Variants in MGAT5 observed in about 807,000 individuals in gnomAD.
The protein encoded by MGAT5 is alpha-1,6-mannosylglycoprotein 6-beta-N-acetylglucosaminyltransferase A.
A neutral mutation model predicts 94.3 loss-of-function variants in MGAT5; 30 were observed. That is an observed-to-expected ratio of 0.32 (90% CI 0.24 to 0.43). The LOEUF is 0.43. Ranked by LOEUF, MGAT5 falls within the 20% of genes least tolerant of loss-of-function variation. The pLI is 1.00. For missense variants in MGAT5, 691 were observed against 905.5 expected (o/e 0.76, Z 3.04); for synonymous variants, 310 against 322.9 (o/e 0.96, Z 0.43).
chr2:134,404,302 C>A (rs1476120738), intron 11 of MGAT5, among the ~76,000 whole-genome samples: 1 of 152,176 alleles, frequency 6.6e-6, no homozygotes, highest in Admixed American at 6.5e-5. Context: ...AGGTGGACTT[C>A]TAGGGCATAA....
chr2:134,336,164 T>G (rs1688319965), intron 4 of MGAT5, 53 bp from the exon 5 acceptor site: 2 of 1,441,382 alleles, frequency 1.4e-6, no homozygotes, highest in Middle Eastern at 1.8e-4. Flanking sequence ...TTTTTATGTA[T>G]ATTAATTCAT....
intron 8 of MGAT5, among the ~76,000 whole-genome samples, chr2:134,345,535 A>T (rs547142566): frequency 3.8e-4 from 58 of 152,240 alleles, no homozygotes; most frequent in African/African-American, 1.2e-3. Context: ...TAAGATTAGT[A>T]TGTCTGTGGT....
In MGAT5 at chr2:134,246,056, G is replaced by A. The variant is rs7565522; in HGVS notation, c.-142-8206G>A. Among the ~76,000 whole-genome samples, 1,118 of 151,896 alleles carry A rather than the reference G, an allele frequency of 7.4e-3. 11 individuals are homozygous for A. The highest frequency in any genetic ancestry group is 0.026 in the African/African-American group (1,059 of 41,380). ...CAAAGAGTATTCCCAAGATAGCAAA[G>A]GTGTGTTGTTTTTAGCAGGTGTATT... On this transcript the variant is annotated intron_variant, in intron 1 of 16. Coordinates refer to the MGAT5 transcript ENST00000409645.
intron 1 of MGAT5, among the ~76,000 whole-genome samples, chr2:134,132,232 C>CT (rs1345358793): frequency 1.3e-5 from 2 of 152,132 alleles, no homozygotes; most frequent in African/African-American, 4.8e-5. Context: ...GTATCTGCCC[C>CT]TTTTTCCCTT....
chr2:134,438,014 C>CA (rs1276833339), intron 14 of MGAT5, among the ~76,000 whole-genome samples: 4,641 of 101,110 alleles, frequency 0.046, 222 homozygotes, highest in African/African-American at 0.11. Flanking sequence ...GACTCCGTCT[C>CA]AAAAAAAAAA....
At chr2:134,321,289 T>C (rs1687301870) in intron 4 of MGAT5, among the ~76,000 whole-genome samples, 1 of 152,202 alleles carries the variant, frequency 6.6e-6, no homozygotes, top group South Asian at 2.1e-4. Context: ...AGCCAGAGTC[T>C]GACCAAGCTC....
At chr2:134,410,830 G>A (rs752564063) in intron 11 of MGAT5, among the ~76,000 whole-genome samples, 2 of 152,154 alleles carry the variant, frequency 1.3e-5, no homozygotes, top group Non-Finnish European at 2.9e-5. Flanking sequence ...GAGGCACTGT[G>A]GGTTCTCTGA....
rs144190055 is a variant in MGAT5 at position 134,153,064 on chromosome 2, C to T, written c.-143+32773C>T. Among the ~76,000 whole-genome samples, 1,146 of 152,054 alleles carry T rather than the reference C, an allele frequency of 7.5e-3. 11 individuals carry two copies. Among genetic ancestry groups the T allele is most frequent in the African/African-American group, 0.025 (1,045 of 41,458 alleles). On this transcript the variant is annotated intron_variant, in intron 1 of 16. Coordinates refer to the MGAT5 transcript ENST00000409645. ...GACTATAGGCATGTGCCACCACGCC[C>T]GGCTAATTTTTTTGTATTTTTAGTA...
At chr2:134,176,327 C>A (rs1323408353) in intron 1 of MGAT5, among the ~76,000 whole-genome samples, 3 of 128,834 alleles carry the variant, frequency 2.3e-5, no homozygotes, top group Non-Finnish European at 1.6e-5. Context: ...AATCCCAGCA[C>A]TTTGGGAGGC....
At chr2:134,122,866 A>G (rs1685681076) in intron 1 of MGAT5, among the ~76,000 whole-genome samples, 1 of 152,236 alleles carries the variant, frequency 6.6e-6, no homozygotes, top group African/African-American at 2.4e-5. Flanking sequence ...CTCTGCCCAG[A>G]TCTGCCGGTG....
chr2:134,235,559 A>G (rs964412429), intron 1 of MGAT5, among the ~76,000 whole-genome samples: 1 of 152,116 alleles, frequency 6.6e-6, no homozygotes, highest in Admixed American at 6.6e-5. Flanking sequence ...CGGTAACACC[A>G]TGAGCTAAAT....
intron 4 of MGAT5, among the ~76,000 whole-genome samples, chr2:134,326,328 A>C (rs971681487): frequency 1.3e-5 from 2 of 151,976 alleles, no homozygotes; most frequent in African/African-American, 4.8e-5. Context: ...AATCCATTGC[A>C]GTTATTTTCT....
intron 1 of MGAT5, among the ~76,000 whole-genome samples, chr2:134,237,583 A>G (rs1019265159): frequency 1.3e-5 from 2 of 151,672 alleles, no homozygotes; most frequent in East Asian, 1.9e-4. Flanking sequence ...CAGAAAGCCT[A>G]TCACTCAAAG....
intron 1 of MGAT5, among the ~76,000 whole-genome samples, chr2:134,122,133 T>C (rs2104865480): frequency 6.6e-6 from 1 of 152,184 alleles, no homozygotes; most frequent in African/African-American, 2.4e-5. Flanking sequence ...AGATGGAGTT[T>C]TGCTCTTGTT....
At chr2:134,408,969 C>A (rs1210045660) in intron 11 of MGAT5, among the ~76,000 whole-genome samples, 1 of 152,220 alleles carries the variant, frequency 6.6e-6, no homozygotes, top group Non-Finnish European at 1.5e-5. Context: ...ACCATATCAT[C>A]TCTTATCTCT....
At position 134,194,138 on chromosome 2, in the gene MGAT5, G is replaced by A. The variant is rs189363075; in HGVS notation, c.-142-60124G>A. Among the ~76,000 whole-genome samples the A allele has an allele frequency of 1.8e-3, 268 of 152,280 alleles. 2 individuals carry two copies. Among genetic ancestry groups the A allele is most frequent in the Non-Finnish European group, 2.6e-3 (176 of 68,020 alleles). Reference sequence around the variant, plus strand: ...CTCTCCATCTTTCTATTTTAGGAAGGAGAAAGAGGTGACTTTCTGGAATAA... The same window carrying A: ...CTCTCCATCTTTCTATTTTAGGAAGAAGAAAGAGGTGACTTTCTGGAATAA... On this transcript the variant is annotated intron_variant, in intron 1 of 16. Transcript: ENST00000409645.
chr2:134,379,642 A>G (rs1022482724), intron 10 of MGAT5, among the ~76,000 whole-genome samples: 1 of 152,228 alleles, frequency 6.6e-6, no homozygotes, highest in African/African-American at 2.4e-5. Flanking sequence ...GCTGGACTGC[A>G]GGCGTTATGA....
At position 134,338,339 on chromosome 2, in the gene MGAT5, C is replaced by G; in HGVS notation, c.726C>G (p.Ile242Met). ...HEEFRWMRLR[I>M]RRMADAWIQA... ...AATTCCGGTGGATGAGACTACGGAT[C>G]CGGCGAATGGCTGACGCATGGATCC... Residue 242 changes from isoleucine to methionine, a missense_variant, in exon 6 of 16, where the codon ATC becomes ATG. Physicochemically the swap from Ile to Met is conservative, Grantham distance 10. Transcript: ENST00000281923. 1 of 1,612,996 alleles carries G rather than the reference C, an allele frequency of 6.2e-7. No homozygotes were observed.
intron 1 of MGAT5, among the ~76,000 whole-genome samples, chr2:134,229,730 A>C (rs1573568348): frequency 6.6e-6 from 1 of 152,316 alleles, no homozygotes; most frequent in East Asian, 1.9e-4. Context: ...AACATTCATA[A>C]CATACCCACA....
Sources: allele counts gnomAD v4.1 joint callset (sites outside exome capture counted in the v4.1 genomes callset), GRCh38; gene constraint gnomAD v4.1.1; transcripts MANE v1.5; gene names NCBI Gene and HGNC (gene_info 2026-07-23, HGNC 2026-07-21).